VPS41: variants seen among roughly 807,000 people sequenced by gnomAD.
The protein encoded by VPS41 is VPS41 subunit of HOPS complex.
In VPS41, 85 loss-of-function variants were observed where a neutral mutation model predicts 130.9. The ratio of observed to expected loss-of-function variants is 0.65; its 90% confidence interval spans 0.55 to 0.78. The LOEUF is 0.78. VPS41 is among the 30% of genes least tolerant of loss of function. VPS41 has a pLI of 0.00. For synonymous variants in VPS41, 335 were observed against 332.9 expected (o/e 1.01, Z -0.07); for missense variants, 874 against 1,018.7 (o/e 0.86, Z 1.93).
intron 1 of VPS41, among the ~76,000 whole-genome samples, chr7:38,907,078 G>GA (rs3056397): frequency 0.012 from 1,742 of 141,184 alleles, 9 homozygotes; most frequent in Non-Finnish European, 0.016. Context: ...AATATACAGG[G>GA]AAAAAAAAAA....
chr7:38,883,199 GC>G (rs1786650854), intron 2 of VPS41, among the ~76,000 whole-genome samples: 1 of 152,160 alleles, frequency 6.6e-6, no homozygotes, highest in South Asian at 2.1e-4. Flanking sequence ...GCCGAGATCG[GC>G]CGCTGCGCTC....
intron 4 of VPS41, among the ~76,000 whole-genome samples, chr7:38,850,193 T>C (rs1182551107): frequency 6.6e-6 from 1 of 152,248 alleles, no homozygotes; most frequent in Non-Finnish European, 1.5e-5. Context: ...GGATCTGGTA[T>C]TGATCAGACT....
At chr7:38,848,886 T>A (rs1052918087) in intron 4 of VPS41, among the ~76,000 whole-genome samples, 4 of 152,104 alleles carry the variant, frequency 2.6e-5, no homozygotes, top group African/African-American at 4.8e-5. Context: ...TAGATTCCAC[T>A]AATGCAATGG....
intron 2 of VPS41, among the ~76,000 whole-genome samples, chr7:38,870,438 C>A (rs995208354): frequency 6.6e-6 from 1 of 152,128 alleles, no homozygotes; most frequent in South Asian, 2.1e-4. Flanking sequence ...CCAGAGGACA[C>A]AAAAACTTAA....
chr7:38,877,705 A>G (rs1786521007), intron 2 of VPS41, among the ~76,000 whole-genome samples: 1 of 152,220 alleles, frequency 6.6e-6, no homozygotes, highest in Non-Finnish European at 1.5e-5. Flanking sequence ...AAGAAAAATT[A>G]GATAAAGATA....
At chr7:38,895,508 T>C (rs1786965083) in intron 2 of VPS41, among the ~76,000 whole-genome samples, 1 of 152,126 alleles carries the variant, frequency 6.6e-6, no homozygotes, top group African/African-American at 2.4e-5. Flanking sequence ...TACTTGTCAT[T>C]TCAATTCATT....
intron 2 of VPS41, among the ~76,000 whole-genome samples, chr7:38,871,814 T>G (rs1202093384): frequency 6.6e-6 from 1 of 152,212 alleles, no homozygotes; most frequent in Non-Finnish European, 1.5e-5. Context: ...CAACACTTGC[T>G]GATTTACTTA....
chr7:38,757,484 G>C (rs1267839164), intron 18 of VPS41, among the ~76,000 whole-genome samples: 2 of 152,176 alleles, frequency 1.3e-5, no homozygotes, highest in Non-Finnish European at 2.9e-5. Context: ...AGAGCTCACT[G>C]AACTGAAGCT....
chr7:38,835,435 A>G (rs1484850647), intron 4 of VPS41, among the ~76,000 whole-genome samples: 1 of 151,986 alleles, frequency 6.6e-6, no homozygotes, highest in East Asian at 1.9e-4. Flanking sequence ...ATGTGTAATT[A>G]CAGTAATTAT....
At chr7:38,727,114 T>A in intron 27 of VPS41, 126 bp from the exon 28 acceptor site, 1 of 811,710 alleles carries the variant, frequency 1.2e-6, no homozygotes, top group Non-Finnish European at 1.7e-6. Context: ...GAGAATGGCT[T>A]ATTTACAAAA....
chr7:38,853,431 A>AAG (rs1385289559), intron 4 of VPS41, among the ~76,000 whole-genome samples: 3 of 151,514 alleles, frequency 2.0e-5, no homozygotes, highest in African/African-American at 7.3e-5. Context: ...AAAAAAAAAA[A>AAG]AAAAAAAAAA....
rs780769967 is a variant in VPS41 at position 38,752,341 on chromosome 7, C to G, written c.1789-28G>C. On this transcript the variant is annotated intron_variant, in intron 21 of 28. Coordinates refer to ENST00000310301, the MANE Select transcript of VPS41 (RefSeq NM_014396.4). ...AAAAGGAACAAAAGATAAGCCGTGACCCATTAAAATGAGAAAAGCAATACC... is the reference window on the plus strand; with the variant it reads ...AAAAGGAACAAAAGATAAGCCGTGAGCCATTAAAATGAGAAAAGCAATACC... 1.2e-5 allele frequency: 20 copies of G among 1,612,158 alleles called. No individual in the cohort carries two copies. The Admixed American group carries it at 3.3e-4, about 27-fold the overall frequency.
intron 11 of VPS41, among the ~76,000 whole-genome samples, chr7:38,776,445 G>A (rs754344951): frequency 1.3e-5 from 2 of 152,024 alleles, no homozygotes; most frequent in Non-Finnish European, 2.9e-5. Context: ...TACCAAGAGA[G>A]GTCGAAAAAA....
intron 1 of VPS41, among the ~76,000 whole-genome samples, chr7:38,904,880 G>A (rs1056588674): frequency 1.3e-5 from 2 of 152,138 alleles, no homozygotes; most frequent in African/African-American, 4.8e-5. Flanking sequence ...TGGTCTAATC[G>A]TGGAAATACT....
chr7:38,791,269 T>C (rs1245498503), intron 9 of VPS41, among the ~76,000 whole-genome samples: 1 of 152,216 alleles, frequency 6.6e-6, no homozygotes, highest in East Asian at 1.9e-4. Context: ...TACTAAATCA[T>C]CTAATGGCAC....
intron 1 of VPS41, among the ~76,000 whole-genome samples, chr7:38,900,720 T>C (rs1406583817): frequency 6.6e-6 from 1 of 152,206 alleles, no homozygotes; most frequent in Non-Finnish European, 1.5e-5. Flanking sequence ...TCTTTGGCTA[T>C]GGAATTGATG....
chr7:38,739,532 C>T (rs1208787061), intron 25 of VPS41, among the ~76,000 whole-genome samples: 1 of 152,198 alleles, frequency 6.6e-6, no homozygotes, highest in Non-Finnish European at 1.5e-5. Flanking sequence ...GTCATTAATA[C>T]ATTATGTAAA....
chr7:38,723,752 A>AAAAAAAT lies in VPS41; in HGVS notation c.*2493_*2494insATTTTTT. ...AAAAAAAAAAAAAAAAAAAAAAAAA[A>AAAAAAAT]GAATAGCTTATGAAGTGTGTACTTT... On this transcript the variant is annotated 3_prime_UTR_variant, in exon 29 of 29. Transcript: ENST00000310301. The AAAAAAAT allele has an allele frequency of 6.8e-6, 1 of 147,164 alleles. No homozygotes were observed. Among genetic ancestry groups the AAAAAAAT allele is most frequent in the Non-Finnish European group, 1.5e-5 (1 of 67,074 alleles). 9.1% of individuals were successfully genotyped at this position (147,164 alleles called of 1,614,324 possible).
At chr7:38,825,255 T>A (rs1785248176) in intron 5 of VPS41, among the ~76,000 whole-genome samples, 1 of 152,214 alleles carries the variant, frequency 6.6e-6, no homozygotes, top group Admixed American at 6.5e-5. Flanking sequence ...CAAGTGTTCT[T>A]ATATTCTATT....
Sources: allele counts gnomAD v4.1 joint callset (sites outside exome capture counted in the v4.1 genomes callset), GRCh38; gene constraint gnomAD v4.1.1; transcripts MANE v1.5; gene names NCBI Gene and HGNC (gene_info 2026-07-23, HGNC 2026-07-21).